EFHC2: variants seen among roughly 807,000 people sequenced by gnomAD.
EFHC2 encodes the protein EF-hand domain-containing family member C2.
Under a neutral mutation model 52.7 loss-of-function variants are expected in EFHC2, and 18 were observed. The observed-to-expected ratio is 0.34, with a 90% confidence interval of 0.24 to 0.51. The LOEUF (loss-of-function observed/expected upper bound fraction) is 0.51, where lower values mean the gene tolerates loss of function less well. EFHC2 is among the 20% of genes least tolerant of loss of function. The pLI, the probability that EFHC2 is intolerant of heterozygous loss-of-function variation, is 0.97. For synonymous variants in EFHC2, 203 were observed against 204.1 expected (o/e 0.99, Z 0.04); for missense variants, 513 against 562.5 (o/e 0.91, Z 0.89).
At chrX:44,278,323 C>T (rs1052778946) in intron 2 of EFHC2, among the ~76,000 whole-genome samples, 13 of 111,949 alleles carry the variant, frequency 1.2e-4, no homozygotes, top group African/African-American at 3.6e-4. Flanking sequence ...TGCAGTGAGC[C>T]AAGATTACGC....
intron 11 of EFHC2, 114 bp downstream of exon 11, chrX:44,229,535 G>C (rs1465388867): frequency 9.8e-7 from 1 of 1,015,749 alleles, no homozygotes; most frequent in Non-Finnish European, 1.3e-6. Context: ...CAAACTCAAA[G>C]AAATGCCAAT....
At chrX:44,278,238 G>A (rs765980691) in intron 2 of EFHC2, among the ~76,000 whole-genome samples, 42 of 111,859 alleles carry the variant, frequency 3.8e-4, no homozygotes, top group African/African-American at 1.2e-3. Flanking sequence ...AGCCAGGCAC[G>A]GTGGTGGACA....
At chrX:44,282,102 T>G (rs367625572) in intron 2 of EFHC2, among the ~76,000 whole-genome samples, 2 of 110,305 alleles carry the variant, frequency 1.8e-5, no homozygotes, top group East Asian at 5.7e-4. Context: ...AACTTGTATG[T>G]GCAAAGATGT....
chrX:44,298,560 T>C (rs2037844333), intron 2 of EFHC2, among the ~76,000 whole-genome samples: 1 of 111,200 alleles, frequency 9.0e-6, no homozygotes, highest in African/African-American at 3.3e-5. Context: ...TGGAATTGTA[T>C]ACTTAAAATA....
rs374637588 is a variant in EFHC2, at chrX:44,148,831, G to C, written c.2214C>G (p.Thr738=). 4 of 1,185,142 alleles carry C rather than the reference G, an allele frequency of 3.4e-6. No individual in the cohort carries two copies. The highest frequency in any genetic ancestry group is 3.5e-5 in the African/African-American group (2 of 56,660). The change falls in exon 15 of 15, where the codon ACC becomes ACG. Residue 738 remains threonine, a synonymous_variant. Coordinates refer to ENST00000420999, the MANE Select transcript of EFHC2 (RefSeq NM_025184.4). ...CTAAGCCAAACGCGTCCTTCAAAAA[G>C]GTCCAGTAGTCAATGTATTTCGCAG... ...PIPAKYIDYW[T]FLKDAFGLEE...
At chrX:44,225,507 C>T (rs1349482029) in intron 11 of EFHC2, among the ~76,000 whole-genome samples, 1 of 111,176 alleles carries the variant, frequency 9.0e-6, no homozygotes, top group Non-Finnish European at 1.9e-5. Flanking sequence ...GTCTGGGCCC[C>T]GAAGCCCCAG....
rs936808590 is a variant in EFHC2, at chrX:44,177,067, T to C, written c.1950-683A>G. Among the ~76,000 whole-genome samples the C allele has an allele frequency of 5.4e-5, 6 of 112,117 alleles. No individual in the cohort carries two copies. The East Asian group carries it at 1.4e-3, about 26-fold the overall frequency. On this transcript the variant is annotated intron_variant, in intron 12 of 14. Coordinates refer to ENST00000420999, the MANE Select transcript of EFHC2 (RefSeq NM_025184.4). ...GTTTATATCTAGAATCAAAGCTTGA[T>C]GGATCTGGAAGAACCTCAGGCTATC...
intron 2 of EFHC2, among the ~76,000 whole-genome samples, chrX:44,277,654 A>G (rs1230211540): frequency 2.7e-5 from 3 of 111,657 alleles, no homozygotes; most frequent in Non-Finnish European, 5.6e-5. Context: ...TCCTTTATAC[A>G]TGACAATATA....
intron 2 of EFHC2, among the ~76,000 whole-genome samples, chrX:44,282,441 T>TA (rs765313542): frequency 4.8e-3 from 315 of 65,358 alleles, no homozygotes; most frequent in African/African-American, 0.013. Flanking sequence ...CCGTCTCTAC[T>TA]AAAAAAAAAA....
Position 44,168,991 on chromosome X carries a change from A to C in EFHC2, c.2043-4964T>G, listed in dbSNP as rs756842757. Among the ~76,000 whole-genome samples, 396 of 111,314 alleles carry C rather than the reference A, an allele frequency of 3.6e-3. 2 individuals carry two copies. The highest frequency in any genetic ancestry group is 0.012 in the African/African-American group (376 of 30,665). On this transcript the variant is annotated intron_variant, in intron 13 of 14. Coordinates refer to ENST00000420999, the MANE Select transcript of EFHC2 (RefSeq NM_025184.4). ...AGCCAAAACAGCAACACAAAAAAAAACAAAAAACAAAAGGAACCAAAGGCA... is the reference window on the plus strand; with the variant it reads ...AGCCAAAACAGCAACACAAAAAAAACCAAAAAACAAAAGGAACCAAAGGCA...
chrX:44,321,672 T>C (rs1214379629), intron 1 of EFHC2, among the ~76,000 whole-genome samples: 1 of 111,468 alleles, frequency 9.0e-6, no homozygotes, highest in African/African-American at 3.3e-5. Flanking sequence ...TGACTAACTG[T>C]GTTAAATGCT....
intron 2 of EFHC2, chrX:44,309,343 TCTC>T (rs1305092797): frequency 1.3e-6 from 1 of 760,882 alleles, no homozygotes; most frequent in Admixed American, 2.2e-5. Context: ...GTAAAAGAAT[TCTC>T]TTTTGGACTT....
chrX:44,340,686 T>C (rs2038147148), intron 1 of EFHC2, among the ~76,000 whole-genome samples: 1 of 110,583 alleles, frequency 9.0e-6, no homozygotes, highest in African/African-American at 3.3e-5. Context: ...CAATAAATGG[T>C]CATACAAATG....
intron 1 of EFHC2, among the ~76,000 whole-genome samples, chrX:44,333,363 T>G (rs761351280): frequency 9.0e-6 from 1 of 110,669 alleles, no homozygotes; most frequent in Non-Finnish European, 1.9e-5. Context: ...GGAAGAGGCA[T>G]GAGGATGCTG....
intron 3 of EFHC2, among the ~76,000 whole-genome samples, chrX:44,272,470 G>A: frequency 8.9e-6 from 1 of 111,892 alleles, no homozygotes; most frequent in South Asian, 3.7e-4. Context: ...ATGCCACGGA[G>A]GAGTGAGAGA....
At chrX:44,155,721 T>C (rs2036601871) in intron 14 of EFHC2, among the ~76,000 whole-genome samples, 1 of 112,195 alleles carries the variant, frequency 8.9e-6, no homozygotes, top group Non-Finnish European at 1.9e-5. Flanking sequence ...AGTATTAAAA[T>C]TGTGTTTTTC....
chrX:44,239,026 C>T (rs1161310230), intron 8 of EFHC2, among the ~76,000 whole-genome samples: 1 of 111,270 alleles, frequency 9.0e-6, no homozygotes, highest in Admixed American at 9.5e-5. Flanking sequence ...TAATGAATGG[C>T]TCATCCAGGG....
At chrX:44,158,281 T>G (rs1009081120) in intron 14 of EFHC2, among the ~76,000 whole-genome samples, 1 of 111,861 alleles carries the variant, frequency 8.9e-6, no homozygotes, top group Admixed American at 9.5e-5. Flanking sequence ...AGATTCCCAG[T>G]GCAGAAATGA....
chrX:44,213,409 T>C (rs66691865), intron 11 of EFHC2, among the ~76,000 whole-genome samples: 29,470 of 110,767 alleles, frequency 0.27, 2,948 homozygotes, highest in African/African-American at 0.32. Context: ...CAGGAGATCC[T>C]GAGAACATAT....
Sources: gnomAD v4.1 joint callset for allele counts (sites outside exome capture counted in the v4.1 genomes callset) on GRCh38, gnomAD v4.1.1 for gene constraint, MANE v1.5 for transcripts, NCBI Gene and HGNC (gene_info 2026-07-23, HGNC 2026-07-21) for gene names.